SYTL3: variants seen among roughly 807,000 people sequenced by gnomAD.
SYTL3 encodes synaptotagmin like 3.
In SYTL3, 88 loss-of-function variants were observed where a neutral mutation model predicts 82.1. The observed-to-expected ratio is 1.07, with a 90% CI of 0.90 to 1.28. SYTL3 has a LOEUF of 1.28. SYTL3 is among the 50% of genes most tolerant of loss of function. The pLI, the probability that SYTL3 is intolerant of heterozygous loss-of-function variation, is 0.00. For missense variants in SYTL3, 831 were observed against 757.6 expected (o/e 1.10, Z -1.14); for synonymous variants, 311 against 289.4 (o/e 1.07, Z -0.76).
At chr6:158,691,947 G>A (rs1369151648) in intron 6 of SYTL3, among the ~76,000 whole-genome samples, 2 of 146,082 alleles carry the variant, frequency 1.4e-5, no homozygotes, top group Non-Finnish European at 1.5e-5. Context: ...CACCGCGCCC[G>A]GCCAATATTA....
At chr6:158,680,709 G>A (rs59344494) in intron 5 of SYTL3, among the ~76,000 whole-genome samples, 2,967 of 152,062 alleles carry the variant, frequency 0.02, 88 homozygotes, top group African/African-American at 0.067. Flanking sequence ...CTGAGATCGC[G>A]CCACTGCACT....
intron 14 of SYTL3, among the ~76,000 whole-genome samples, chr6:158,760,196 G>C (rs1433183437): frequency 2.0e-5 from 3 of 152,120 alleles, no homozygotes; most frequent in African/African-American, 7.2e-5. Context: ...GCTCTGGACA[G>C]AGACTACACC....
chr6:158,673,281 G>A (rs952184840), intron 5 of SYTL3, among the ~76,000 whole-genome samples: 1 of 151,462 alleles, frequency 6.6e-6, no homozygotes, highest in Non-Finnish European at 1.5e-5. Context: ...ATGTGTCTGG[G>A]AATGATGTTT....
At chr6:158,717,956 C>T in intron 9 of SYTL3, 131 bp from the exon 10 acceptor site, 1 of 759,294 alleles carries the variant, frequency 1.3e-6, no homozygotes, top group Non-Finnish European at 1.9e-6. Context: ...GCCCTTGCTC[C>T]TCCGTGCACT....
chr6:158,702,449 G>A (rs747866402), intron 6 of SYTL3, among the ~76,000 whole-genome samples: 1 of 151,698 alleles, frequency 6.6e-6, no homozygotes, highest in Non-Finnish European at 1.5e-5. Context: ...GGCTGATGTG[G>A]GAGGATCGCT....
intron 2 of SYTL3, among the ~76,000 whole-genome samples, chr6:158,653,866 A>G (rs999286975): frequency 2.6e-4 from 39 of 152,228 alleles, no homozygotes; most frequent in Admixed American, 2.5e-3. Context: ...CTGAACATTT[A>G]TTTCCTTTGA....
At chr6:158,655,936 C>A (rs117086601) in intron 2 of SYTL3, among the ~76,000 whole-genome samples, 1 of 152,210 alleles carries the variant, frequency 6.6e-6, no homozygotes, top group African/African-American at 2.4e-5. Flanking sequence ...GGGGCCGATG[C>A]GTGGAAATGC....
At chr6:158,713,059 C>T (rs1444978994) in intron 8 of SYTL3, among the ~76,000 whole-genome samples, 1 of 152,180 alleles carries the variant, frequency 6.6e-6, no homozygotes, top group East Asian at 1.9e-4. Flanking sequence ...CGCGCCTGGC[C>T]TCTTTTTCAG....
At chr6:158,645,995 T>A (rs142554482), upstream of SYTL3, among the ~76,000 whole-genome samples, 53 of 152,358 alleles carry the variant, frequency 3.5e-4, 1 homozygote, top group East Asian at 0.01. Flanking sequence ...AAGAACGTAT[T>A]TATGGTTGCT....
chr6:158,712,962 G>A (rs548437370), intron 8 of SYTL3, among the ~76,000 whole-genome samples: 3 of 151,924 alleles, frequency 2.0e-5, no homozygotes, highest in South Asian at 2.1e-4. Flanking sequence ...GGGGTTTCAC[G>A]TGTTAGCCAG....
intron 10 of SYTL3, among the ~76,000 whole-genome samples, chr6:158,719,619 C>CT (rs1348833435): frequency 1.3e-5 from 2 of 152,184 alleles, no homozygotes; most frequent in African/African-American, 2.4e-5. Flanking sequence ...TTCCCGGGGT[C>CT]TACAGAAGCT....
chr6:158,745,463 G>T lies in SYTL3; in HGVS notation c.856-17G>T, dbSNP rs551090467. ...TTAACTGAAGTAACTTATTATATCTGTTATTCTTGATTTCAGGGAAGTTTA... is the reference window on the plus strand; with the variant it reads ...TTAACTGAAGTAACTTATTATATCTTTTATTCTTGATTTCAGGGAAGTTTA... On this transcript the variant is annotated splice_polypyrimidine_tract_variant and intron_variant, in intron 11 of 17. Transcript: ENST00000611299. The T allele has an allele frequency of 8.4e-5, 135 of 1,600,304 alleles. No homozygotes were observed. The East Asian group carries it at 2.7e-3, about 32-fold the overall frequency.
intron 16 of SYTL3, 105 bp downstream of exon 16, chr6:158,762,283 C>T: frequency 1.3e-6 from 1 of 748,024 alleles, no homozygotes. Context: ...CTTAAAACGT[C>T]TTATTTTAGC....
At position 158,764,710 on chromosome 6, in the gene SYTL3, T is replaced by C. The variant is rs762713538; in HGVS notation, c.*106T>C. The stretch of plus-strand genomic sequence containing the variant: ...TCCCAGCTGGAGACCCCTTTGACCT[T>C]GAGCAGTCTCCATCTGCGGCCCTGT... On this transcript the variant is annotated 3_prime_UTR_variant, in exon 18 of 18. Transcript: ENST00000611299. 1 of 757,916 alleles carries C rather than the reference T, an allele frequency of 1.3e-6. No individual in the cohort carries two copies. Among genetic ancestry groups the C allele is most frequent in the Admixed American group, 2.0e-5 (1 of 48,900 alleles). The allele number at this position is 757,916 out of a possible 1,614,324, so 46.9% of individuals were successfully genotyped here.
intron 11 of SYTL3, among the ~76,000 whole-genome samples, chr6:158,743,958 G>A (rs967898968): frequency 4.6e-5 from 7 of 152,098 alleles, no homozygotes; most frequent in East Asian, 1.9e-4. Flanking sequence ...TCACTCTGTC[G>A]CCCAGGCTGG....
chr6:158,677,705 C>CAA (rs56865775), intron 5 of SYTL3, among the ~76,000 whole-genome samples: 414 of 66,998 alleles, frequency 6.2e-3, no homozygotes, highest in Non-Finnish European at 8.6e-3. Flanking sequence ...AACTCTGTCT[C>CAA]AAAAAAAAAA....
intron 6 of SYTL3, among the ~76,000 whole-genome samples, chr6:158,688,553 A>T (rs1268928486): frequency 6.6e-6 from 1 of 152,212 alleles, no homozygotes; most frequent in Non-Finnish European, 1.5e-5. Flanking sequence ...GCTTGAGCCC[A>T]GGAGTTCAAG....
intron 6 of SYTL3, among the ~76,000 whole-genome samples, chr6:158,700,648 G>A (rs1220272250): frequency 6.6e-6 from 1 of 152,064 alleles, no homozygotes; most frequent in African/African-American, 2.4e-5. Flanking sequence ...ACGGAGTCTT[G>A]CTCTGTCGCC....
intron 12 of SYTL3, among the ~76,000 whole-genome samples, chr6:158,751,490 C>T (rs1009521732): frequency 1.3e-5 from 2 of 152,160 alleles, no homozygotes; most frequent in Non-Finnish European, 2.9e-5. Context: ...TCTTTGAGGC[C>T]CCTGCAAGGA....
Sources: gnomAD v4.1 joint callset for allele counts (sites outside exome capture counted in the v4.1 genomes callset) on GRCh38, gnomAD v4.1.1 for gene constraint, MANE v1.5 for transcripts, NCBI Gene and HGNC (gene_info 2026-07-23, HGNC 2026-07-21) for gene names.